The following FBXO34 variants were observed in gnomAD, a reference collection of about 807,000 sequenced individuals.
FBXO34 encodes the protein F-box only protein 34.
FBXO34 carries 12 observed loss-of-function variants against 24.5 expected under a neutral mutation model. That is an observed-to-expected ratio of 0.49 (90% CI 0.31 to 0.79). The LOEUF (loss-of-function observed/expected upper bound fraction) is 0.79, where lower values mean the gene tolerates loss of function less well. Ranked by LOEUF, FBXO34 falls within the 30% of genes least tolerant of loss-of-function variation. The pLI, the probability that FBXO34 is intolerant of heterozygous loss-of-function variation, is 0.04. For missense variants in FBXO34, 823 were observed against 857.7 expected, an observed-to-expected ratio of 0.96 and a Z score of 0.51; for synonymous variants, 320 against 311.9, an observed-to-expected ratio of 1.03 and a Z score of -0.27.
chr14:55,342,088 C>G (rs1038972936), intron 1 of FBXO34, among the ~76,000 whole-genome samples: 1 of 152,152 alleles, frequency 6.6e-6, no homozygotes, highest in East Asian at 1.9e-4. Context: ...GGCTGTCATT[C>G]CCAACTTGTC....
rs149267318 is a variant in FBXO34, at chr14:55,342,463, G to A, written c.-10-7918G>A. Among the ~76,000 whole-genome samples, 41 of 152,190 alleles carry A rather than the reference G, an allele frequency of 2.7e-4. No homozygotes were observed. In the East Asian group the frequency reaches 7.7e-3, roughly 29 times the overall value. Reference sequence around the variant, plus strand: ...ATAAAAGGGAGTGGACTGCCTCCCCGAAAAAGTCATCCCCCAATATTTTGA... The same window carrying A: ...ATAAAAGGGAGTGGACTGCCTCCCCAAAAAAGTCATCCCCCAATATTTTGA... On this transcript the variant is annotated intron_variant, in intron 1 of 1. Coordinates refer to ENST00000313833, the MANE Select transcript of FBXO34 (RefSeq NM_017943.4).
chr14:55,313,426 G>T (rs1882816321), intron 1 of FBXO34, among the ~76,000 whole-genome samples: 1 of 152,046 alleles, frequency 6.6e-6, no homozygotes. Context: ...CCAAATTGTT[G>T]CAACCTTTGC....
At chr14:55,276,956 A>C (rs1810293664) in intron 1 of FBXO34, among the ~76,000 whole-genome samples, 1 of 152,236 alleles carries the variant, frequency 6.6e-6, no homozygotes, top group Admixed American at 6.5e-5. Flanking sequence ...AGGGAGAAAC[A>C]AGGCCAGGTG....
the FBXO34 span, among the ~76,000 whole-genome samples, chr14:55,400,546 A>T: frequency 7.0e-4 from 106 of 152,354 alleles, 3 homozygotes; most frequent in South Asian, 0.022. Context: ...CAGTAACGAT[A>T]CAAGTGAATA....
the FBXO34 span, among the ~76,000 whole-genome samples, chr14:55,415,392 A>G: frequency 6.6e-6 from 1 of 152,242 alleles, no homozygotes; most frequent in East Asian, 1.9e-4. Context: ...TACTGTGGAA[A>G]CTAGTTCGGT....
chr14:55,342,353 G>T (rs1173933766), intron 1 of FBXO34, among the ~76,000 whole-genome samples: 2 of 151,990 alleles, frequency 1.3e-5, no homozygotes, highest in Non-Finnish European at 2.9e-5. Context: ...CTTTTCTGTC[G>T]TTCGCCACTA....
intron 1 of FBXO34, among the ~76,000 whole-genome samples, chr14:55,340,341 C>T (rs1384634348): frequency 6.6e-6 from 1 of 151,922 alleles, no homozygotes; most frequent in African/African-American, 2.4e-5. Context: ...AACTCCTGGG[C>T]TCAGGCAATC....
chr14:55,382,017 C>G, the FBXO34 span: 1 of 1,614,084 alleles, frequency 6.2e-7, no homozygotes, highest in South Asian at 1.1e-5. Flanking sequence ...CAGAGTAGTC[C>G]CCATTGTTAG....
At chr14:55,372,369 A>G (rs1273094338), downstream of FBXO34, among the ~76,000 whole-genome samples, 1 of 152,094 alleles carries the variant, frequency 6.6e-6, no homozygotes, top group African/African-American at 2.4e-5. Context: ...TTCACAATTT[A>G]AATTCCTTCC....
At chr14:55,439,489 C>T in the FBXO34 span, among the ~76,000 whole-genome samples, 2 of 116,500 alleles carry the variant, frequency 1.7e-5, no homozygotes, top group Non-Finnish European at 1.8e-5. Flanking sequence ...CTGTGCATGT[C>T]CTTTAGAACC....
the FBXO34 span, among the ~76,000 whole-genome samples, chr14:55,431,525 AGG>A: frequency 6.6e-5 from 10 of 152,342 alleles, no homozygotes; most frequent in African/African-American, 2.4e-4. Context: ...ATTATTAATT[AGG>A]TTTTCCCTGT....
the FBXO34 span, among the ~76,000 whole-genome samples, chr14:55,433,309 CTTTTTT>C: frequency 0.016 from 1,931 of 119,878 alleles, 45 homozygotes; most frequent in African/African-American, 0.059. Flanking sequence ...TTAGATTTCT[CTTTTTT>C]TTTTTTTTTT....
rs372305828 is a variant in FBXO34, at chr14:55,281,991, C to CTTTTTTTT, written c.-11+10471_-11+10478dup. Among the ~76,000 whole-genome samples the CTTTTTTTT allele has an allele frequency of 1.0e-3, 66 of 65,122 alleles. 1 individual carries two copies. The highest frequency in any genetic ancestry group is 1.8e-3 in the African/African-American group (23 of 13,080). The allele number at this position is 65,122 out of a possible 152,430, so 42.7% of individuals were successfully genotyped here. A position where few individuals can be genotyped will look rare whatever the true frequency, so the allele number is the denominator to read the frequency against. On this transcript the variant is annotated intron_variant, in intron 1 of 1. Coordinates refer to ENST00000313833, the MANE Select transcript of FBXO34 (RefSeq NM_017943.4). The stretch of plus-strand genomic sequence containing the variant: ...CAGTAAGTTTCATTTTTAAATTTAG[C>CTTTTTTTT]TTTTTTTTTTTTTTTTTTTTTTTTG...
downstream of FBXO34, among the ~76,000 whole-genome samples, chr14:55,362,830 T>G (rs1187294381): frequency 6.6e-6 from 1 of 152,068 alleles, no homozygotes; most frequent in Non-Finnish European, 1.5e-5. Flanking sequence ...AATGTTGTCT[T>G]GACAATTTTT....
At position 55,331,713 on chromosome 14, in the gene FBXO34, ATATG is replaced by A. The variant is rs1359124503; in HGVS notation, c.-10-18664_-10-18661del. On this transcript the variant is annotated intron_variant, in intron 1 of 1. Transcript: ENST00000313833. ...TATATATATATATATATGTATATAT[ATATG>A]TATATATATATGTATATATATATGT... Among the ~76,000 whole-genome samples the A allele has an allele frequency of 4.9e-4, 23 of 46,946 alleles. 4 individuals carry two copies. The highest frequency in any genetic ancestry group is 3.5e-3 in the African/African-American group (20 of 5,688). The allele number at this position is 46,946 out of a possible 152,430, so 30.8% of individuals were successfully genotyped here.
the FBXO34 span, among the ~76,000 whole-genome samples, chr14:55,404,551 A>G: frequency 3.3e-5 from 5 of 152,170 alleles, no homozygotes; most frequent in African/African-American, 1.2e-4. Flanking sequence ...TGGTGTTCAA[A>G]AGAGACGAGA....
chr14:55,278,166 A>T, intron 1 of FBXO34, among the ~76,000 whole-genome samples: 1 of 152,300 alleles, frequency 6.6e-6, no homozygotes, highest in Non-Finnish European at 1.5e-5. Context: ...TCATATGTGA[A>T]ACCTTAGCAT....
At chr14:55,332,047 A>AATAT (rs1298620186) in intron 1 of FBXO34, among the ~76,000 whole-genome samples, 1 of 134,874 alleles carries the variant, frequency 7.4e-6, no homozygotes, top group African/African-American at 2.9e-5. Flanking sequence ...TATATATAAA[A>AATAT]ATATATATAT....
At chr14:55,279,563 T>C (rs1881463479) in intron 1 of FBXO34, among the ~76,000 whole-genome samples, 2 of 152,218 alleles carry the variant, frequency 1.3e-5, no homozygotes, top group Admixed American at 1.3e-4. Flanking sequence ...CACCCTGAAT[T>C]CTATATATAA....
Sources: gnomAD v4.1 joint callset for allele counts (sites outside exome capture counted in the v4.1 genomes callset) on GRCh38, gnomAD v4.1.1 for gene constraint, MANE v1.5 for transcripts, NCBI Gene and HGNC (gene_info 2026-07-23, HGNC 2026-07-21) for gene names.